The following DCAF5 variants were observed in gnomAD, a reference collection of about 807,000 sequenced individuals.
The protein encoded by DCAF5 is DDB1- and CUL4-associated factor 5.
In DCAF5, 9 loss-of-function variants were observed where a neutral mutation model predicts 80.7. The observed-to-expected ratio is 0.11, with a 90% CI of 0.07 to 0.19. DCAF5 has a LOEUF of 0.19. Ranked by LOEUF, DCAF5 falls within the 10% of genes least tolerant of loss-of-function variation. The probability of loss-of-function intolerance (pLI) is 1.00; values close to 1 mark genes in which losing one functional copy is unlikely to be tolerated. For synonymous variants in DCAF5, 433 were observed against 461.9 expected (o/e 0.94, Z 0.80); for missense variants, 842 against 1,205.7 (o/e 0.70, Z 4.47).
intron 1 of DCAF5, among the ~76,000 whole-genome samples, chr14:69,128,548 T>G (rs937917625): frequency 1.3e-5 from 2 of 152,178 alleles, no homozygotes; most frequent in Non-Finnish European, 2.9e-5. Context: ...AAAACAAGAC[T>G]GCAGGATGGG....
intron 6 of DCAF5, among the ~76,000 whole-genome samples, chr14:69,086,893 G>A (rs1369878953): frequency 6.6e-6 from 1 of 152,202 alleles, no homozygotes; most frequent in Admixed American, 6.5e-5. Context: ...CAAAAGACCA[G>A]TATAAGAGAT....
intron 6 of DCAF5, among the ~76,000 whole-genome samples, chr14:69,085,836 C>T (rs950900672): frequency 1.3e-5 from 2 of 152,202 alleles, no homozygotes; most frequent in African/African-American, 2.4e-5. Flanking sequence ...TCCTCTGCCA[C>T]GACATTCTGT....
intron 6 of DCAF5, among the ~76,000 whole-genome samples, chr14:69,088,575 A>C (rs917794227): frequency 6.6e-6 from 1 of 152,226 alleles, no homozygotes; most frequent in African/African-American, 2.4e-5. Flanking sequence ...ATCTGTATGG[A>C]CTGAATAATC....
chr14:69,148,125 T>C (rs2041598404), intron 1 of DCAF5, among the ~76,000 whole-genome samples: 1 of 147,492 alleles, frequency 6.8e-6, no homozygotes, highest in Non-Finnish European at 1.5e-5. Context: ...AAAAAAACTT[T>C]AAACAAACAT....
chr14:69,073,658 A>C (rs192333090), intron 7 of DCAF5, among the ~76,000 whole-genome samples: 129 of 152,278 alleles, frequency 8.5e-4, no homozygotes, highest in African/African-American at 3.0e-3. Flanking sequence ...TCTCTTACAA[A>C]AAAAAGAAAA....
chr14:69,057,319 T>C (rs2038014933), intron 8 of DCAF5, among the ~76,000 whole-genome samples: 1 of 151,190 alleles, frequency 6.6e-6, no homozygotes, highest in Admixed American at 6.6e-5. Flanking sequence ...GAAAGGAAGC[T>C]GAGGGGTCCA....
In DCAF5 at chr14:69,052,019, G is replaced by A. The variant is rs1319630803; in HGVS notation, c.*1838C>T. ...ATTACAAATCCAAAGTAATTCTAAT[G>A]TTGGTTACAGAATCACTTTCCCACT... On this transcript the variant is annotated 3_prime_UTR_variant, in exon 9 of 9. Coordinates refer to ENST00000341516, the MANE Select transcript of DCAF5 (RefSeq NM_003861.3). The A allele has an allele frequency of 6.6e-6, 1 of 152,548 alleles. No individual in the cohort carries two copies. Among genetic ancestry groups the A allele is most frequent in the East Asian group, 1.9e-4 (1 of 5,200 alleles). 9.4% of individuals were successfully genotyped at this position (152,548 alleles called of 1,614,324 possible). A position where few individuals can be genotyped will look rare whatever the true frequency, so the allele number is the denominator to read the frequency against.
At chr14:69,144,349 G>A (rs2041469407) in intron 1 of DCAF5, among the ~76,000 whole-genome samples, 1 of 152,058 alleles carries the variant, frequency 6.6e-6, no homozygotes, top group Non-Finnish European at 1.5e-5. Flanking sequence ...GAGGTGGGCG[G>A]ATCACAAGGT....
chr14:69,131,993 A>ATAC (rs1365145558), intron 1 of DCAF5, among the ~76,000 whole-genome samples: 1 of 152,098 alleles, frequency 6.6e-6, no homozygotes, highest in Non-Finnish European at 1.5e-5. Context: ...AGGCTGAATA[A>ATAC]TACTATTTCA....
chr14:69,092,026 T>A (rs1594980547), intron 5 of DCAF5, 139 bp from the exon 6 acceptor site: 1 of 680,338 alleles, frequency 1.5e-6, no homozygotes, highest in African/African-American at 1.8e-5. Flanking sequence ...GTGGCTAGAA[T>A]AATGAGGGTA....
chr14:69,114,337 G>A (rs1431113797), intron 5 of DCAF5, among the ~76,000 whole-genome samples: 1 of 152,154 alleles, frequency 6.6e-6, no homozygotes, highest in Non-Finnish European at 1.5e-5. Context: ...AGCCCTGGTT[G>A]TTGGGTACAT....
At chr14:69,113,791 A>C (rs2040451296) in intron 5 of DCAF5, among the ~76,000 whole-genome samples, 1 of 152,236 alleles carries the variant, frequency 6.6e-6, no homozygotes, top group Admixed American at 6.5e-5. Flanking sequence ...AGTTAAGAAG[A>C]GTTCCAAGGA....
At chr14:69,128,920 C>T (rs567978811) in intron 1 of DCAF5, among the ~76,000 whole-genome samples, 1 of 151,948 alleles carries the variant, frequency 6.6e-6, no homozygotes, top group Non-Finnish European at 1.5e-5. Flanking sequence ...GAGTTGGAGA[C>T]CAGCCTGGGC....
Position 69,054,051 on chromosome 14 carries a change from G to C in DCAF5, c.2635C>G (p.Leu879Val). Reference protein sequence around the residue: ...RDNSSLTGTLLHKDCCGSEMA... With the variant: ...RDNSSLTGTLVHKDCCGSEMA... ...TCAGACCCGCAACAATCTTTGTGTAGGAGTGTCCCTGTCAGGGACGAGTTA... is the reference window on the plus strand; with the variant it reads ...TCAGACCCGCAACAATCTTTGTGTACGAGTGTCCCTGTCAGGGACGAGTTA... Residue 879 changes from leucine (L) to valine (V), a missense_variant, in exon 9 of 9, where the codon CTA becomes GTA. By Grantham distance (32) the Leu-to-Val change is conservative. Around this residue, in one of 5 missense-constraint regions of DCAF5, gnomAD observed 607 missense variants for 656.6 expected, o/e 0.92. Transcript: ENST00000341516. The C allele has an allele frequency of 6.2e-7, 1 of 1,614,004 alleles. No homozygotes were observed. Among genetic ancestry groups the C allele is most frequent in the Non-Finnish European group, 8.5e-7 (1 of 1,179,864 alleles).
At chr14:69,073,707 T>C (rs1453842005) in intron 7 of DCAF5, among the ~76,000 whole-genome samples, 1 of 152,224 alleles carries the variant, frequency 6.6e-6, no homozygotes, top group Non-Finnish European at 1.5e-5. Context: ...ACAATACTAT[T>C]GCTAATTCTT....
At chr14:69,134,669 T>G (rs1340644832) in intron 1 of DCAF5, among the ~76,000 whole-genome samples, 1 of 152,224 alleles carries the variant, frequency 6.6e-6, no homozygotes, top group Non-Finnish European at 1.5e-5. Flanking sequence ...GACTACAAAA[T>G]GGCCAAAACA....
At chr14:69,090,929 C>T in intron 6 of DCAF5, 1 of 593,654 alleles carries the variant, frequency 1.7e-6, no homozygotes, top group South Asian at 2.1e-5. Flanking sequence ...TCAGTCTTTC[C>T]TTAGATTTGT....
chr14:69,148,102 CA>C (rs71446373), intron 1 of DCAF5, among the ~76,000 whole-genome samples: 12,160 of 91,576 alleles, frequency 0.13, 1,174 homozygotes, highest in African/African-American at 0.39. Flanking sequence ...ATTTTCTTCG[CA>C]AAAAAAAAAA....
chr14:69,127,381 C>T (rs1469208717), intron 1 of DCAF5, among the ~76,000 whole-genome samples: 1 of 152,088 alleles, frequency 6.6e-6, no homozygotes, highest in Non-Finnish European at 1.5e-5. Flanking sequence ...ATGAAAAAAG[C>T]CAATCTGAAA....
Sources: gnomAD v4.1 joint callset for allele counts (sites outside exome capture counted in the v4.1 genomes callset) on GRCh38, gnomAD v4.1.1 for gene constraint, gnomAD v4.1.1 regional missense constraint, MANE v1.5 for transcripts, NCBI Gene and HGNC (gene_info 2026-07-23, HGNC 2026-07-21) for gene names.